Variants in PDE3A observed in about 807,000 individuals in gnomAD.
PDE3A encodes the protein cGMP-inhibited 3',5'-cyclic phosphodiesterase 3A.
Under a neutral mutation model 98.3 loss-of-function variants are expected in PDE3A, and 43 were observed. The observed-to-expected ratio is 0.44, with a 90% CI of 0.34 to 0.56. The LOEUF (loss-of-function observed/expected upper bound fraction) is 0.56. Among genes scored for constraint, PDE3A ranks in the 20% least tolerant of loss-of-function variants. The probability of loss-of-function intolerance (pLI) is 0.01; values close to 1 mark genes in which losing one functional copy is unlikely to be tolerated. For synonymous variants in PDE3A, 663 were observed against 567.9 expected (o/e 1.17, Z -2.38); for missense variants, 1,427 against 1,440.7 (o/e 0.99, Z 0.15).
At chr12:20,584,826 C>G (rs931007879) in intron 2 of PDE3A, among the ~76,000 whole-genome samples, 2 of 152,002 alleles carry the variant, frequency 1.3e-5, no homozygotes, top group Non-Finnish European at 2.9e-5. Flanking sequence ...TATGTCCTTG[C>G]TTTCCTTCCC....
intron 1 of PDE3A, among the ~76,000 whole-genome samples, chr12:20,498,932 T>C (rs928189101): frequency 1.3e-5 from 2 of 152,216 alleles, no homozygotes; most frequent in East Asian, 1.9e-4. Flanking sequence ...TGTAAAGTCA[T>C]TGATGCCTCA....
At chr12:20,656,299 T>C (rs1207534928) in intron 15 of PDE3A, among the ~76,000 whole-genome samples, 1 of 152,234 alleles carries the variant, frequency 6.6e-6, no homozygotes, top group Non-Finnish European at 1.5e-5. Context: ...ATTAACCTTC[T>C]ACTGATCCAT....
Position 20,370,041 on chromosome 12 carries a change from A to G in PDE3A, c.757A>G (p.Arg253Gly), listed in dbSNP as rs1430955230. The G allele has an allele frequency of 6.2e-7, 1 of 1,612,532 alleles. No individual in the cohort carries two copies. Among genetic ancestry groups the G allele is most frequent in the Non-Finnish European group, 8.5e-7 (1 of 1,179,624 alleles). Residue 253 changes from arginine to glycine, a missense_variant, in exon 1 of 16, where the codon AGG (arginine) becomes GGG (glycine). Around this residue, in one of 3 missense-constraint regions of PDE3A, gnomAD observed 1,012 missense variants for 886.5 expected, o/e 1.14. Coordinates refer to ENST00000359062, the MANE Select transcript of PDE3A (RefSeq NM_000921.5). ...CGGCGTGCTGGGGATCCTCTTGGCC[A>G]GGTACGTGGAACAAATCTTGCCGCA... ...LAGVLGILLA[R>G]YVEQILPQSA...
chr12:20,675,069 A>G (rs1219474618), intron 15 of PDE3A, among the ~76,000 whole-genome samples: 3 of 151,794 alleles, frequency 2.0e-5, no homozygotes, highest in African/African-American at 7.3e-5. Context: ...TGTTGTTGAT[A>G]TTTATTGTGT....
In PDE3A at chr12:20,433,321, A is replaced by G. The variant is rs74469118; in HGVS notation, c.960+63077A>G. On this transcript the variant is annotated intron_variant, in intron 1 of 15. Transcript: ENST00000359062. ...CTGCCCCTTAGAAAAACTGGAGACTATGTGTTCCTGAAATGAAACAAGACA... is the reference window on the plus strand; with the variant it reads ...CTGCCCCTTAGAAAAACTGGAGACTGTGTGTTCCTGAAATGAAACAAGACA... Among the ~76,000 whole-genome samples the G allele has an allele frequency of 1.8e-4, 27 of 152,262 alleles. No homozygotes were observed. In the East Asian group the frequency reaches 3.5e-3, roughly 20 times the overall value.
intron 3 of PDE3A, among the ~76,000 whole-genome samples, chr12:20,614,854 G>A (rs1486599787): frequency 6.6e-6 from 1 of 152,134 alleles, no homozygotes; most frequent in Non-Finnish European, 1.5e-5. Context: ...TGGAAGAGCA[G>A]AATGTCTTTG....
intron 2 of PDE3A, 131 bp downstream of exon 2, chr12:20,556,841 T>TTAAG: frequency 1.4e-6 from 1 of 718,406 alleles, no homozygotes; most frequent in Non-Finnish European, 2.5e-6. Flanking sequence ...TTGTTTTTAT[T>TTAAG]TAAGTTAACT....
chr12:20,471,293 A>G (rs1945435981), intron 1 of PDE3A, among the ~76,000 whole-genome samples: 1 of 152,164 alleles, frequency 6.6e-6, no homozygotes, highest in South Asian at 2.1e-4. Context: ...CCTTTTCTGC[A>G]CATTAAAATC....
intron 13 of PDE3A, among the ~76,000 whole-genome samples, 197 bp downstream of exon 13, chr12:20,649,088 C>A (rs571725982): frequency 7.6e-6 from 1 of 130,982 alleles, no homozygotes; most frequent in East Asian, 2.4e-4. Flanking sequence ...ACCACGCCTG[C>A]CTAATTTTTG....
In PDE3A at chr12:20,680,385, T is replaced by C. The variant is rs909791220; in HGVS notation, c.*114T>C. The C allele has an allele frequency of 4.4e-5, 49 of 1,106,910 alleles. No homozygotes were observed. Among genetic ancestry groups the C allele is most frequent in the East Asian group, 3.9e-4 (16 of 41,460 alleles). 68.6% of individuals were successfully genotyped at this position (1,106,910 alleles called of 1,614,324 possible). A position where few individuals can be genotyped will look rare whatever the true frequency, so the allele number is the denominator to read the frequency against. On this transcript the variant is annotated 3_prime_UTR_variant, in exon 16 of 16. Transcript: ENST00000359062. ...GAAATTTGAGATGGGCAAATGGCTA[T>C]TGCATTTTGGGATTCTTCGCATTTT...
chr12:20,490,990 A>T lies in PDE3A; in HGVS notation c.961-65670A>T, dbSNP rs112668043. ...ACGGTATGTGCCTGTAGTCCTAGCT[A>T]CTCAGGAGGCTGAGGCAGGAGGATT... On this transcript the variant is annotated intron_variant, in intron 1 of 15. Coordinates refer to ENST00000359062, the MANE Select transcript of PDE3A (RefSeq NM_000921.5). Among the ~76,000 whole-genome samples, 50 of 152,224 alleles carry T rather than the reference A, an allele frequency of 3.3e-4. 1 individual carries two copies. Among genetic ancestry groups the T allele is most frequent in the Non-Finnish European group, 6.2e-4 (42 of 68,022 alleles).
At chr12:20,379,978 G>A (rs1028054166) in intron 1 of PDE3A, among the ~76,000 whole-genome samples, 6 of 151,402 alleles carry the variant, frequency 4.0e-5, no homozygotes, top group African/African-American at 1.5e-4. Flanking sequence ...TCTGAAATTT[G>A]GGTTCATATT....
rs1942483364 is a variant in PDE3A, at chr12:20,560,376, T to C, written c.1011+3666T>C. 3.3e-5 allele frequency among the ~76,000 whole-genome samples: 5 copies of C among 152,272 alleles called. No homozygotes were observed. In the South Asian group the frequency reaches 1.0e-3, roughly 32 times the overall value. On this transcript the variant is annotated intron_variant, in intron 2 of 15. Transcript: ENST00000359062. ...AGAGACCAGGTGGAGGAGAAATGATTCAGAACCAAAAGTAGTTACACCAAG... is the reference window on the plus strand; with the variant it reads ...AGAGACCAGGTGGAGGAGAAATGATCCAGAACCAAAAGTAGTTACACCAAG...
intron 1 of PDE3A, among the ~76,000 whole-genome samples, chr12:20,540,415 A>C (rs952377589): frequency 1.3e-5 from 2 of 152,224 alleles, no homozygotes; most frequent in South Asian, 4.1e-4. Context: ...AGTTGTTATT[A>C]TACTTTGCAT....
chr12:20,670,133 A>G (rs1945432243), intron 15 of PDE3A, among the ~76,000 whole-genome samples: 5 of 150,906 alleles, frequency 3.3e-5, no homozygotes, highest in Admixed American at 2.6e-4. Context: ...GGATCAATTC[A>G]ACAAGAAGAG....
chr12:20,408,110 G>T (rs574819514), intron 1 of PDE3A, among the ~76,000 whole-genome samples: 8 of 151,952 alleles, frequency 5.3e-5, no homozygotes, highest in Non-Finnish European at 1.2e-4. Context: ...TAGTAGAGAT[G>T]GGGTTTCACC....
rs1463667901 is a variant in PDE3A at position 20,688,285 on chromosome 12, T to C, written c.*8014T>C. Among the ~76,000 whole-genome samples, 2 of 152,126 alleles carry C rather than the reference T, an allele frequency of 1.3e-5. No homozygotes were observed. The highest frequency in any genetic ancestry group is 3.9e-4 in the East Asian group (2 of 5,176). On this transcript the variant is annotated 3_prime_UTR_variant, in exon 16 of 16. Coordinates refer to ENST00000359062, the MANE Select transcript of PDE3A (RefSeq NM_000921.5). ...ATTTAATATATGTAGCAATACTTAG[T>C]ATCATCCCATCACAAGTATTGTTAG... is the stretch of plus-strand genomic sequence containing the variant.
chr12:20,382,374 A>G (rs935391970), intron 1 of PDE3A, among the ~76,000 whole-genome samples: 1 of 151,932 alleles, frequency 6.6e-6, no homozygotes, highest in Non-Finnish European at 1.5e-5. Flanking sequence ...CATGGGGAAA[A>G]ACTATACACA....
intron 1 of PDE3A, among the ~76,000 whole-genome samples, chr12:20,475,178 A>AGTGTGTGTGTGT (rs71442249): frequency 1.7e-4 from 16 of 92,500 alleles, no homozygotes; most frequent in Middle Eastern, 5.3e-3. Context: ...AATGTGTGTG[A>AGTGTGTGTGTGT]GTGTGTGTGT....
Sources: gnomAD v4.1 joint callset for allele counts (sites outside exome capture counted in the v4.1 genomes callset) on GRCh38, gnomAD v4.1.1 for gene constraint, gnomAD v4.1.1 regional missense constraint, MANE v1.5 for transcripts, NCBI Gene and HGNC (gene_info 2026-07-23, HGNC 2026-07-21) for gene names.